Variants in MACROD2 observed in about 807,000 individuals in gnomAD.
MACROD2 encodes the protein ADP-ribose glycohydrolase MACROD2.
MACROD2 carries 36 observed loss-of-function variants against 70.4 expected under a neutral mutation model. The observed-to-expected ratio is 0.51, with a 90% CI of 0.39 to 0.68. The LOEUF (loss-of-function observed/expected upper bound fraction) is 0.68. Among genes scored for constraint, MACROD2 ranks in the 30% least tolerant of loss-of-function variants. The pLI, the probability that MACROD2 is intolerant of heterozygous loss-of-function variation, is 0.00. For synonymous variants in MACROD2, 172 were observed against 178.8 expected (o/e 0.96, Z 0.30); for missense variants, 496 against 538.4 (o/e 0.92, Z 0.78).
chr20:15,329,324 ATT>A (rs953431436), intron 6 of MACROD2, among the ~76,000 whole-genome samples: 12 of 152,056 alleles, frequency 7.9e-5, no homozygotes, highest in African/African-American at 2.9e-4. Flanking sequence ...TCTGTAGGTG[ATT>A]TAGGGTGACG....
At chr20:16,038,120 T>C (rs2067259253) in intron 15 of MACROD2, among the ~76,000 whole-genome samples, 1 of 151,858 alleles carries the variant, frequency 6.6e-6, no homozygotes, top group Non-Finnish European at 1.5e-5. Flanking sequence ...AATTTATCTA[T>C]AAGTTTTATT....
intron 8 of MACROD2, among the ~76,000 whole-genome samples, chr20:15,688,033 A>G (rs1282989935): frequency 6.6e-6 from 1 of 152,150 alleles, no homozygotes; most frequent in Non-Finnish European, 1.5e-5. Flanking sequence ...TCCTGCTATA[A>G]TTGTCATGCC....
chr20:14,152,246 G>A (rs551734693), intron 3 of MACROD2, among the ~76,000 whole-genome samples: 52 of 152,134 alleles, frequency 3.4e-4, no homozygotes, highest in Non-Finnish European at 6.6e-4. Context: ...GAGTCTTGTG[G>A]TTTTCTTTTT....
chr20:15,075,946 A>T (rs1321189663), intron 5 of MACROD2, among the ~76,000 whole-genome samples: 2 of 152,278 alleles, frequency 1.3e-5, no homozygotes, highest in African/African-American at 4.8e-5. Flanking sequence ...AATATGTTAT[A>T]AAAGAGAATT....
chr20:14,512,921 C>A (rs531260178), intron 4 of MACROD2, among the ~76,000 whole-genome samples: 1 of 152,162 alleles, frequency 6.6e-6, no homozygotes, highest in South Asian at 2.1e-4. Context: ...GTGCAAATAA[C>A]AACAGATGAT....
chr20:14,608,799 G>T (rs906532376), intron 4 of MACROD2, among the ~76,000 whole-genome samples: 5 of 152,164 alleles, frequency 3.3e-5, no homozygotes, highest in Admixed American at 3.3e-4. Context: ...AGAGGGACTG[G>T]AGGATAGGTA....
intron 3 of MACROD2, among the ~76,000 whole-genome samples, chr20:14,272,583 C>T (rs1372492099): frequency 2.0e-5 from 3 of 151,838 alleles, no homozygotes; most frequent in African/African-American, 7.3e-5. Flanking sequence ...GAAACTGCAT[C>T]AACTAATGAG....
At chr20:15,382,489 T>C (rs1050197081) in intron 6 of MACROD2, among the ~76,000 whole-genome samples, 3 of 152,190 alleles carry the variant, frequency 2.0e-5, no homozygotes, top group Non-Finnish European at 4.4e-5. Context: ...CTTCAGTACA[T>C]AGGAGACACC....
intron 6 of MACROD2, among the ~76,000 whole-genome samples, chr20:15,248,198 C>T (rs1261794183): frequency 6.6e-6 from 1 of 152,158 alleles, no homozygotes; most frequent in Non-Finnish European, 1.5e-5. Context: ...TCTAGGCCAC[C>T]AGGGCATGTC....
At chr20:14,908,379 G>T (rs933011889) in intron 5 of MACROD2, among the ~76,000 whole-genome samples, 1 of 151,812 alleles carries the variant, frequency 6.6e-6, no homozygotes, top group African/African-American at 2.4e-5. Context: ...TGTCGGCCAC[G>T]CATGGTGGCT....
At chr20:14,332,532 A>G (rs1389621103) in intron 3 of MACROD2, among the ~76,000 whole-genome samples, 2 of 152,158 alleles carry the variant, frequency 1.3e-5, no homozygotes, top group Admixed American at 1.3e-4. Flanking sequence ...TTAGATTTAA[A>G]TTGATTTTGA....
intron 8 of MACROD2, among the ~76,000 whole-genome samples, chr20:15,599,272 G>A (rs1293128785): frequency 2.6e-5 from 4 of 152,016 alleles, no homozygotes; most frequent in African/African-American, 7.2e-5. Context: ...CACGCCTGTA[G>A]TCCCAGCTAC....
At chr20:15,343,348 G>A (rs2078130557) in intron 6 of MACROD2, among the ~76,000 whole-genome samples, 1 of 152,322 alleles carries the variant, frequency 6.6e-6, no homozygotes, top group South Asian at 2.1e-4. Context: ...CACTCTGATT[G>A]AGGATAAAAA....
At chr20:15,969,046 C>G (rs1010602438) in intron 13 of MACROD2, among the ~76,000 whole-genome samples, 1 of 151,712 alleles carries the variant, frequency 6.6e-6, no homozygotes, top group Non-Finnish European at 1.5e-5. Flanking sequence ...GGCAATGACC[C>G]CGATAAACTC....
chr20:15,607,315 A>C (rs2146700976), intron 8 of MACROD2, among the ~76,000 whole-genome samples: 1 of 152,310 alleles, frequency 6.6e-6, no homozygotes, highest in Non-Finnish European at 1.5e-5. Context: ...TTCATGAGAA[A>C]CATTGTTAAT....
rs554170810 is a variant in MACROD2, at chr20:14,217,439, G to A, written c.271+131711G>A. Among the ~76,000 whole-genome samples the A allele has an allele frequency of 3.3e-5, 5 of 152,206 alleles. No individual in the cohort carries two copies. The South Asian group carries it at 1.0e-3, about 32-fold the overall frequency. Reference sequence around the variant, plus strand: ...TTTTGTTAAGGATTTTAGCATCTAAGTTCATCAAGGATATTGGTCTGTAGT... The same window carrying A: ...TTTTGTTAAGGATTTTAGCATCTAAATTCATCAAGGATATTGGTCTGTAGT... On this transcript the variant is annotated intron_variant, in intron 3 of 17. Transcript: ENST00000684519.
intron 5 of MACROD2, among the ~76,000 whole-genome samples, chr20:15,147,445 T>C (rs930633492): frequency 7.1e-6 from 1 of 140,772 alleles, no homozygotes; most frequent in Non-Finnish European, 1.6e-5. Context: ...TTTTTTTTTT[T>C]ACCCAGCCAG....
intron 4 of MACROD2, among the ~76,000 whole-genome samples, chr20:14,498,503 A>G (rs934904897): frequency 2.0e-5 from 3 of 152,212 alleles, no homozygotes; most frequent in African/African-American, 4.8e-5. Flanking sequence ...CCTGTGGCCA[A>G]TCATGATCCC....
At chr20:14,832,876 A>C (rs2072987630) in intron 5 of MACROD2, among the ~76,000 whole-genome samples, 2 of 152,060 alleles carry the variant, frequency 1.3e-5, no homozygotes, top group South Asian at 4.2e-4. Flanking sequence ...TGTGCTGTTT[A>C]GGGGGTTACC....
Sources: allele counts gnomAD v4.1 joint callset (sites outside exome capture counted in the v4.1 genomes callset), GRCh38; gene constraint gnomAD v4.1.1; transcripts MANE v1.5; gene names NCBI Gene and HGNC (gene_info 2026-07-23, HGNC 2026-07-21).